CIB4: variants seen among roughly 807,000 people sequenced by gnomAD.
The protein encoded by CIB4 is calcium and integrin-binding family member 4.
A neutral mutation model predicts 25.8 loss-of-function variants in CIB4; 25 were observed. The ratio of observed to expected loss-of-function variants is 0.97; its 90% CI spans 0.71 to 1.35. CIB4 has a LOEUF of 1.35. Ranked by LOEUF, CIB4 falls within the 40% of genes most tolerant of loss-of-function variation. The probability of loss-of-function intolerance (pLI) is 0.00; values close to 1 mark genes in which losing one functional copy is unlikely to be tolerated. For missense variants in CIB4, 235 were observed against 228.2 expected (o/e 1.03, Z -0.19); for synonymous variants, 75 against 81.4 (o/e 0.92, Z 0.42).
At chr2:26,610,056 C>T (rs1371855421) in intron 3 of CIB4, among the ~76,000 whole-genome samples, 2 of 152,188 alleles carry the variant, frequency 1.3e-5, no homozygotes, top group Admixed American at 1.3e-4. Flanking sequence ...GGCAGGGCCC[C>T]GCTGTGCCTC....
At chr2:26,591,030 T>C (rs1203132896) in intron 4 of CIB4, among the ~76,000 whole-genome samples, 3 of 152,362 alleles carry the variant, frequency 2.0e-5, no homozygotes, top group African/African-American at 7.2e-5. Flanking sequence ...GAGAACCTTC[T>C]GCTCACCTCG....
At chr2:26,638,516 T>C (rs1003339502) in intron 2 of CIB4, among the ~76,000 whole-genome samples, 1 of 152,094 alleles carries the variant, frequency 6.6e-6, no homozygotes, top group African/African-American at 2.4e-5. Flanking sequence ...TCCTGGCATA[T>C]AGGAGGAACC....
At chr2:26,615,939 C>G (rs748307714) in intron 3 of CIB4, among the ~76,000 whole-genome samples, 2 of 152,220 alleles carry the variant, frequency 1.3e-5, no homozygotes, top group Non-Finnish European at 2.9e-5. Context: ...GGGTGTGAGC[C>G]AGCTGCCAAG....
intron 3 of CIB4, among the ~76,000 whole-genome samples, chr2:26,595,867 T>G (rs1177666128): frequency 6.6e-6 from 1 of 151,638 alleles, no homozygotes; most frequent in Non-Finnish European, 1.5e-5. Flanking sequence ...AATACACTCC[T>G]TAGATCCATG....
At chr2:26,618,667 G>T (rs533023072) in intron 3 of CIB4, among the ~76,000 whole-genome samples, 2 of 152,300 alleles carry the variant, frequency 1.3e-5, no homozygotes, top group South Asian at 4.1e-4. Flanking sequence ...GGGCCTGGGG[G>T]TCCAGTCGGA....
intron 3 of CIB4, among the ~76,000 whole-genome samples, chr2:26,603,356 C>T (rs1459770817): frequency 6.6e-6 from 1 of 152,042 alleles, no homozygotes; most frequent in East Asian, 1.9e-4. Context: ...TAATACAATG[C>T]AAGCACTAAT....
chr2:26,604,002 T>TAAA (rs1213333682), intron 3 of CIB4, among the ~76,000 whole-genome samples: 6 of 103,250 alleles, frequency 5.8e-5, no homozygotes, highest in South Asian at 3.2e-4. Context: ...GAGCATACCT[T>TAAA]AAAAAAAAAA....
At chr2:26,608,274 G>A (rs1384545522) in intron 3 of CIB4, among the ~76,000 whole-genome samples, 1 of 151,174 alleles carries the variant, frequency 6.6e-6, no homozygotes, top group African/African-American at 2.4e-5. Flanking sequence ...TGGGTCTGGT[G>A]AGAAGGGGGT....
intron 3 of CIB4, among the ~76,000 whole-genome samples, chr2:26,601,217 CAAAA>C (rs142951418): frequency 2.4e-3 from 58 of 23,692 alleles, no homozygotes; most frequent in East Asian, 8.8e-3. Flanking sequence ...GAGACCATGT[CAAAA>C]AAAAAAAAAA....
At chr2:26,583,009 C>A in intron 5 of CIB4, 96 bp from the exon 6 acceptor site, 1 of 755,314 alleles carries the variant, frequency 1.3e-6, no homozygotes. Flanking sequence ...GCCAGGGGCT[C>A]TCCCACATGC....
At chr2:26,639,980 G>A (rs570649379) in intron 2 of CIB4, among the ~76,000 whole-genome samples, 15 of 152,186 alleles carry the variant, frequency 9.9e-5, no homozygotes, top group Middle Eastern at 3.4e-3. Flanking sequence ...CCACCTCCAC[G>A]TTGAATGAAG....
chr2:26,586,910 C>T (rs1351229215), intron 4 of CIB4, among the ~76,000 whole-genome samples: 9 of 152,088 alleles, frequency 5.9e-5, no homozygotes, highest in African/African-American at 1.9e-4. Context: ...AAGGTGTGGT[C>T]GTCTGGGATA....
intron 2 of CIB4, among the ~76,000 whole-genome samples, chr2:26,632,651 C>T (rs1251723667): frequency 2.6e-5 from 4 of 151,686 alleles, no homozygotes; most frequent in Admixed American, 2.6e-4. Flanking sequence ...CTAGCTACTC[C>T]AGAGGCTGAG....
At chr2:26,605,370 T>C in intron 3 of CIB4, 1 of 341,274 alleles carries the variant, frequency 2.9e-6, no homozygotes. Context: ...GTGTATCAGC[T>C]GGTGGATGGT....
At chr2:26,602,099 C>A (rs901258956) in intron 3 of CIB4, among the ~76,000 whole-genome samples, 1 of 152,112 alleles carries the variant, frequency 6.6e-6, no homozygotes, top group African/African-American at 2.4e-5. Context: ...AACTGTACAC[C>A]ACAGAGTGAA....
intron 3 of CIB4, among the ~76,000 whole-genome samples, chr2:26,612,211 G>A (rs1669007849): frequency 6.6e-6 from 1 of 152,218 alleles, no homozygotes; most frequent in African/African-American, 2.4e-5. Context: ...CAGACCCAGT[G>A]AGGGGCTGAT....
At chr2:26,604,081 A>T (rs1219307858) in intron 3 of CIB4, among the ~76,000 whole-genome samples, 1 of 152,032 alleles carries the variant, frequency 6.6e-6, no homozygotes, top group Admixed American at 6.5e-5. Context: ...AAAAGCAGTA[A>T]TAAGAAGAAA....
intron 3 of CIB4, chr2:26,623,500 A>G (rs1226510651): frequency 6.4e-6 from 3 of 471,322 alleles, no homozygotes; most frequent in South Asian, 4.6e-5. Flanking sequence ...AGCTGTTCTA[A>G]GCAGATAGGA....
At chr2:26,585,101 AC>A (rs764293356) in intron 4 of CIB4, among the ~76,000 whole-genome samples, 1 of 152,116 alleles carries the variant, frequency 6.6e-6, no homozygotes, top group Non-Finnish European at 1.5e-5. Flanking sequence ...CCACAGAGCC[AC>A]CTTGAGGGGT....
Sources: allele counts gnomAD v4.1 joint callset (sites outside exome capture counted in the v4.1 genomes callset), GRCh38; gene constraint gnomAD v4.1.1; transcripts MANE v1.5; gene names NCBI Gene and HGNC (gene_info 2026-07-23, HGNC 2026-07-21).